The following CBL variants were observed in gnomAD, a reference collection of about 807,000 sequenced individuals.
CBL encodes the protein E3 ubiquitin-protein ligase CBL.
In CBL, 45 loss-of-function variants were observed where a neutral mutation model predicts 96.9. That is an observed-to-expected ratio of 0.46 (90% CI 0.37 to 0.60). CBL has a LOEUF of 0.60. Ranked by LOEUF, CBL falls within the 20% of genes least tolerant of loss-of-function variation. The pLI, the probability that CBL is intolerant of heterozygous loss-of-function variation, is 0.00. For synonymous variants in CBL, 420 were observed against 426.8 expected (o/e 0.98, Z 0.20); for missense variants, 1,024 against 1,143.5 (o/e 0.90, Z 1.51).
Position 119,276,071 on chromosome 11 carries a change from T to A in CBL, c.944T>A (p.Leu315His). ...IGYVTADGNI[L>H]QTIPHNKPLF... ...TATGTTACTGCTGATGGGAACATTC[T>A]CCAGACAATCCCTCACAATAAACCT... The change falls in exon 6 of 16, where the codon CTC becomes CAC. Residue 315 changes from leucine (L) to histidine (H), a missense_variant. By Grantham distance (99) the Leu-to-His change is moderately conservative. Around this residue, in one of 4 missense-constraint regions of CBL, gnomAD observed 192 missense variants for 321.8 expected, o/e 0.60. Transcript: ENST00000264033. The A allele has an allele frequency of 6.2e-7, 1 of 1,614,052 alleles. No individual in the cohort carries two copies. Among genetic ancestry groups the A allele is most frequent in the Non-Finnish European group, 8.5e-7 (1 of 1,179,940 alleles).
intron 5 of CBL, among the ~76,000 whole-genome samples, chr11:119,275,575 T>C (rs1440593920): frequency 6.6e-6 from 1 of 151,666 alleles, no homozygotes; most frequent in African/African-American, 2.4e-5. Context: ...CAGAAGTAGT[T>C]ATTCTTGGCT....
Position 119,307,283 on chromosome 11 carries a change from ACT to A in CBL, c.*7505_*7506del. On this transcript the variant is annotated 3_prime_UTR_variant, in exon 16 of 16. Transcript: ENST00000264033. ...AGAATGTTTCACAATTCCCAGGTAA[ACT>A]CTGGACCATTCCAAGTGTCCTAGCC... The A allele has an allele frequency of 4.3e-6, 1 of 232,814 alleles. No homozygotes were observed. Among genetic ancestry groups the A allele is most frequent in the East Asian group, 6.1e-5 (1 of 16,468 alleles). 14.4% of individuals were successfully genotyped at this position (232,814 alleles called of 1,614,324 possible).
At chr11:119,228,655 G>T (rs945408432) in intron 1 of CBL, among the ~76,000 whole-genome samples, 1 of 151,848 alleles carries the variant, frequency 6.6e-6, no homozygotes, top group South Asian at 2.1e-4. Flanking sequence ...TGTGGCCCAG[G>T]CTGGAGTGCA....
At chr11:119,282,947 A>G (rs1315443935) in intron 9 of CBL, among the ~76,000 whole-genome samples, 1 of 152,080 alleles carries the variant, frequency 6.6e-6, no homozygotes, top group African/African-American at 2.4e-5. Flanking sequence ...CCAAAAAAAA[A>G]AAAGCCACAT....
chr11:119,266,362 A>G (rs1163202872), intron 2 of CBL, among the ~76,000 whole-genome samples: 1 of 152,090 alleles, frequency 6.6e-6, no homozygotes, highest in Non-Finnish European at 1.5e-5. Context: ...GCCACTTTTC[A>G]CCTCCTGTCT....
At chr11:119,220,169 T>A (rs2135256060) in intron 1 of CBL, among the ~76,000 whole-genome samples, 1 of 152,228 alleles carries the variant, frequency 6.6e-6, no homozygotes, top group Admixed American at 6.5e-5. Flanking sequence ...CCTGGCTAAT[T>A]TTTGTATATT....
chr11:119,231,835 C>T (rs561245972), intron 1 of CBL, among the ~76,000 whole-genome samples: 2 of 151,266 alleles, frequency 1.3e-5, no homozygotes, highest in African/African-American at 4.9e-5. Flanking sequence ...AGGCTGGACA[C>T]AGTGGCTCAG....
intron 2 of CBL, among the ~76,000 whole-genome samples, chr11:119,243,639 C>T (rs1488246630): frequency 1.3e-5 from 2 of 150,638 alleles, no homozygotes; most frequent in East Asian, 3.9e-4. Flanking sequence ...AAAAACAACA[C>T]CTAGAAAGAA....
intron 13 of CBL, 89 bp downstream of exon 13, chr11:119,297,123 T>C: frequency 1.2e-6 from 1 of 802,340 alleles, no homozygotes; most frequent in South Asian, 1.3e-5. Context: ...CTGCACATAC[T>C]GTTATCCAGT....
At chr11:119,218,434 G>A (rs1041567963) in intron 1 of CBL, among the ~76,000 whole-genome samples, 3 of 152,192 alleles carry the variant, frequency 2.0e-5, no homozygotes, top group Non-Finnish European at 2.9e-5. Context: ...ATTTACAGTA[G>A]TCCCTTCATA....
At chr11:119,271,480 CAA>C (rs2135296746) in intron 2 of CBL, among the ~76,000 whole-genome samples, 1 of 152,260 alleles carries the variant, frequency 6.6e-6, no homozygotes, top group East Asian at 1.9e-4. Context: ...GATCTTACAG[CAA>C]AAAGTTTCTA....
chr11:119,278,498 C>T lies in CBL; in HGVS notation c.1228-12C>T. 3 of 1,610,996 alleles carry T rather than the reference C, an allele frequency of 1.9e-6. No homozygotes were observed. The highest frequency in any genetic ancestry group is 2.5e-6 in the Non-Finnish European group (3 of 1,177,158). Reference sequence around the variant, plus strand: ...CAGATGCATCTGTTACTATCTTTTGCTTCTTCTGCAGGAATCAGAAGGTCA... The same window carrying T: ...CAGATGCATCTGTTACTATCTTTTGTTTCTTCTGCAGGAATCAGAAGGTCA... On this transcript the variant is annotated splice_polypyrimidine_tract_variant and intron_variant, in intron 8 of 15. Transcript: ENST00000264033.
chr11:119,255,903 A>T (rs530235963), intron 2 of CBL, among the ~76,000 whole-genome samples: 21 of 142,650 alleles, frequency 1.5e-4, no homozygotes, highest in Middle Eastern at 3.5e-3. Context: ...TTTATACTTT[A>T]AAAAAAAAAA....
At chr11:119,277,645 T>C (rs1242347326) in intron 6 of CBL, 112 bp from the exon 7 acceptor site, 9 of 735,084 alleles carry the variant, frequency 1.2e-5, no homozygotes, top group Non-Finnish European at 2.3e-5. Flanking sequence ...ATCTTTATAC[T>C]TACACCACGT....
chr11:119,290,948 G>A (rs1950022666), intron 12 of CBL, among the ~76,000 whole-genome samples: 2 of 152,088 alleles, frequency 1.3e-5, no homozygotes, highest in South Asian at 2.1e-4. Context: ...AAGGTGCTGG[G>A]ATTTATAGGT....
intron 2 of CBL, among the ~76,000 whole-genome samples, chr11:119,251,937 A>G (rs1196993983): frequency 2.6e-5 from 4 of 152,182 alleles, no homozygotes; most frequent in African/African-American, 9.7e-5. Flanking sequence ...GGCTACAAGA[A>G]CGTCTTTCCT....
intron 2 of CBL, among the ~76,000 whole-genome samples, chr11:119,236,506 A>C (rs1490427468): frequency 6.6e-6 from 1 of 151,442 alleles, no homozygotes; most frequent in African/African-American, 2.4e-5. Context: ...TTTGGCTACT[A>C]CTGAATAATG....
At chr11:119,242,758 A>G (rs975327169) in intron 2 of CBL, among the ~76,000 whole-genome samples, 116 of 150,780 alleles carry the variant, frequency 7.7e-4, no homozygotes, top group Non-Finnish European at 1.5e-3. Flanking sequence ...AAAAAAAAAA[A>G]AAAGAAACCA....
intron 1 of CBL, among the ~76,000 whole-genome samples, chr11:119,214,242 C>CTTT (rs879705207): frequency 1.4e-4 from 20 of 142,208 alleles, no homozygotes; most frequent in African/African-American, 4.9e-4. Context: ...CCCGCCCGGA[C>CTTT]TTTTTTTTTT....
Sources: gnomAD v4.1 joint callset for allele counts (sites outside exome capture counted in the v4.1 genomes callset) on GRCh38, gnomAD v4.1.1 for gene constraint, gnomAD v4.1.1 regional missense constraint, MANE v1.5 for transcripts, NCBI Gene and HGNC (gene_info 2026-07-23, HGNC 2026-07-21) for gene names.